SLC41A3: variants seen among roughly 807,000 people sequenced by gnomAD.
SLC41A3 encodes the protein SLC41A1-like 2.
A neutral mutation model predicts 45.4 loss-of-function variants in SLC41A3; 44 were observed. That is an observed-to-expected ratio of 0.97 (90% CI 0.76 to 1.25). The LOEUF (loss-of-function observed/expected upper bound fraction) is 1.25, where lower values mean the gene tolerates loss of function less well. Among genes scored for constraint, SLC41A3 ranks in the 50% most tolerant of loss-of-function variants. The probability of loss-of-function intolerance (pLI) is 0.00; values close to 1 mark genes in which losing one functional copy is unlikely to be tolerated. For missense variants in SLC41A3, 550 were observed against 600.6 expected, an observed-to-expected ratio of 0.92 and a Z score of 0.88; for synonymous variants, 256 against 252.4, an observed-to-expected ratio of 1.01 and a Z score of -0.13.
intron 2 of SLC41A3, chr3:126,067,528 A>G: frequency 2.4e-6 from 1 of 412,930 alleles, no homozygotes. Flanking sequence ...AGCCAAGGAG[A>G]GGCCACAGGA....
At chr3:126,053,242 C>T (rs1943455202) in intron 2 of SLC41A3, among the ~76,000 whole-genome samples, 1 of 152,136 alleles carries the variant, frequency 6.6e-6, no homozygotes, top group African/African-American at 2.4e-5. Flanking sequence ...GCCCAGTATG[C>T]GTGGCATCCT....
Position 126,026,467 on chromosome 3 carries a change from C to A in SLC41A3, c.466G>T (p.Val156Phe). ...NLALIQVQAT[V>F]VGLLAAVAAL... ...GCCACAGCAGCCAAGAGCCCCACGA[C>A]AGTGGCCTGCACCTGTTGGACAGAA... The change falls in exon 5 of 11, where the codon GTC becomes TTC. Residue 156 changes from valine to phenylalanine, a missense_variant. Coordinates refer to ENST00000360370, the MANE Select transcript of SLC41A3 (RefSeq NM_017836.4). The surrounding 1 kb of genome is among the most constrained non-coding windows in gnomAD (Gnocchi z 4.2). 6.2e-7 allele frequency: 1 copy of A among 1,602,734 alleles called. No homozygotes were observed. The highest frequency in any genetic ancestry group is 1.1e-5 in the South Asian group (1 of 88,832).
intron 6 of SLC41A3, among the ~76,000 whole-genome samples, chr3:126,018,741 C>T (rs1054112545): frequency 6.6e-6 from 1 of 152,206 alleles, no homozygotes; most frequent in Non-Finnish European, 1.5e-5. Flanking sequence ...ATCAGTGTGG[C>T]CGACCAGCCT....
At chr3:126,052,915 G>T (rs1943430192) in intron 2 of SLC41A3, among the ~76,000 whole-genome samples, 1 of 152,146 alleles carries the variant, frequency 6.6e-6, no homozygotes, top group Admixed American at 6.5e-5. Context: ...CACCCCACCT[G>T]CTCCATGCTC....
chr3:126,083,486 G>A (rs1945269275), intron 1 of SLC41A3, among the ~76,000 whole-genome samples: 1 of 152,196 alleles, frequency 6.6e-6, no homozygotes. Flanking sequence ...GGGACTCTGA[G>A]ACAGACTCCC....
intron 2 of SLC41A3, among the ~76,000 whole-genome samples, chr3:126,052,477 C>T (rs980098139): frequency 1.3e-5 from 2 of 152,194 alleles, no homozygotes; most frequent in African/African-American, 4.8e-5. Context: ...TTTCAGCCTG[C>T]GCCACCCAGC....
At chr3:126,009,374 G>A (rs1211686841) in intron 9 of SLC41A3, among the ~76,000 whole-genome samples, 3 of 152,154 alleles carry the variant, frequency 2.0e-5, no homozygotes, top group African/African-American at 7.2e-5. Flanking sequence ...CTCAAAAGGG[G>A]ACCTCGGGCA....
upstream of SLC41A3, among the ~76,000 whole-genome samples, chr3:126,087,801 A>T (rs3053168): frequency 6.6e-6 from 1 of 151,660 alleles, no homozygotes; most frequent in Non-Finnish European, 1.5e-5. Flanking sequence ...GTTTAAAAAA[A>T]AAAAGATTGT....
At chr3:126,031,800 A>G (rs1941814264) in intron 4 of SLC41A3, among the ~76,000 whole-genome samples, 1 of 152,192 alleles carries the variant, frequency 6.6e-6, no homozygotes. Flanking sequence ...CTTGTAGTCG[A>G]GGCATTTATT....
intron 2 of SLC41A3, among the ~76,000 whole-genome samples, chr3:126,059,257 A>AAGAAAGAAAGAGAG (rs1177997318): frequency 4.9e-4 from 3 of 6,176 alleles, no homozygotes; most frequent in African/African-American, 8.4e-4. Context: ...GAAAGAAAGA[A>AAGAAAGAAAGAGAG]AGAAAGAAGA....
At chr3:126,078,849 A>T (rs894682951) in intron 1 of SLC41A3, 4 of 152,176 alleles carry the variant, frequency 2.6e-5, no homozygotes, top group African/African-American at 4.8e-5. Context: ...TGATGAGAAC[A>T]GAAACTTGCT....
chr3:126,008,904 G>A, intron 9 of SLC41A3, 24 bp from the exon 10 acceptor site: 1 of 1,612,406 alleles, frequency 6.2e-7, no homozygotes, highest in Non-Finnish European at 8.5e-7. Flanking sequence ...AACCAAGAAG[G>A]TCATGTGACC....
chr3:126,020,537 C>G (rs771622475), intron 6 of SLC41A3, among the ~76,000 whole-genome samples: 1 of 152,164 alleles, frequency 6.6e-6, no homozygotes, highest in Non-Finnish European at 1.5e-5. Flanking sequence ...ACCAGGTAAA[C>G]CAAAAACAAA....
Position 126,058,602 on chromosome 3 carries a change from G to T in SLC41A3, c.274-7552C>A, listed in dbSNP as rs145794905. Among the ~76,000 whole-genome samples, 227 of 152,190 alleles carry T rather than the reference G, an allele frequency of 1.5e-3. 4 individuals are homozygous for T. The highest frequency in any genetic ancestry group is 5.1e-4 in the Non-Finnish European group (35 of 68,008). ...TGCCCACAGACGCTGCCTTCACCAC[G>T]GCCCTTTGTCCCTCTAATCTGTCTC... is the stretch of plus-strand genomic sequence containing the variant. On this transcript the variant is annotated intron_variant, in intron 2 of 10. Coordinates refer to ENST00000360370, the MANE Select transcript of SLC41A3 (RefSeq NM_017836.4).
chr3:126,006,533 C>T lies in SLC41A3; in HGVS notation c.*483G>A, dbSNP rs1340634896. 6.2e-7 allele frequency: 1 copy of T among 1,612,210 alleles called. No homozygotes were observed. The highest frequency in any genetic ancestry group is 1.7e-5 in the Admixed American group (1 of 59,412). On this transcript the variant is annotated 3_prime_UTR_variant, in exon 11 of 11. Coordinates refer to ENST00000360370, the MANE Select transcript of SLC41A3 (RefSeq NM_017836.4). The stretch of plus-strand genomic sequence containing the variant: ...CTGGGGAGGCTGTACACCTTCTTGG[C>T]ACAGCAGCAGTGTGGCCCACGGAGC...
At chr3:126,064,155 G>A (rs1944230700) in intron 2 of SLC41A3, among the ~76,000 whole-genome samples, 1 of 151,988 alleles carries the variant, frequency 6.6e-6, no homozygotes, top group African/African-American at 2.4e-5. Flanking sequence ...GGTGGGGTAA[G>A]GCCTAAAACT....
At chr3:126,061,109 C>T (rs1376330671) in intron 2 of SLC41A3, among the ~76,000 whole-genome samples, 1 of 152,174 alleles carries the variant, frequency 6.6e-6, no homozygotes, top group Non-Finnish European at 1.5e-5. Flanking sequence ...TTACCAGGAG[C>T]AGTTTCCAAC....
At chr3:126,050,359 C>A (rs1367311313) in intron 3 of SLC41A3, among the ~76,000 whole-genome samples, 6 of 152,172 alleles carry the variant, frequency 3.9e-5, no homozygotes, top group Non-Finnish European at 2.9e-5. Flanking sequence ...AGGGAGAAAC[C>A]ATTCTGTGTA....
In SLC41A3 at chr3:126,007,042, A is replaced by G; in HGVS notation, c.1438T>C (p.Ser480Pro). The change falls in exon 11 of 11, where the codon TCA becomes CCA. Residue 480 changes from serine (S) to proline (P), a missense_variant. Coordinates refer to ENST00000360370, the MANE Select transcript of SLC41A3 (RefSeq NM_017836.4). ...TAGGGAGGTCCAGATGCCAGTTCTG[A>G]GATGCCACCCAGCTCTGCCTTGCTC... Reference protein sequence around the residue: ...LKSKAELGGISELASGPP With the variant: ...LKSKAELGGIPELASGPP 1 of 1,614,196 alleles carries G rather than the reference A, an allele frequency of 6.2e-7. No individual in the cohort carries two copies.
Sources: gnomAD v4.1 joint callset for allele counts (sites outside exome capture counted in the v4.1 genomes callset) on GRCh38, gnomAD v4.1.1 for gene constraint, Gnocchi (gnomAD v3.1) non-coding constraint, MANE v1.5 for transcripts, NCBI Gene and HGNC (gene_info 2026-07-23, HGNC 2026-07-21) for gene names.